The following LMTK2 variants were observed in gnomAD, a reference collection of about 807,000 sequenced individuals.
LMTK2 encodes lemur tail kinase 2.
Under a neutral mutation model 127.5 loss-of-function variants are expected in LMTK2, and 37 were observed. That is an observed-to-expected ratio of 0.29 (90% CI 0.22 to 0.38). LMTK2 has a LOEUF of 0.38. LMTK2 is among the 10% of genes least tolerant of loss of function. LMTK2 has a pLI of 1.00. For synonymous variants in LMTK2, 819 were observed against 810.1 expected (o/e 1.01, Z -0.19); for missense variants, 1,694 against 1,920.3 (o/e 0.88, Z 2.20).
intron 1 of LMTK2, among the ~76,000 whole-genome samples, chr7:98,108,369 A>G (rs541419740): frequency 6.6e-6 from 1 of 152,306 alleles, no homozygotes; most frequent in South Asian, 2.1e-4. Context: ...TGGGTACAGA[A>G]TGTGGATGTA....
At chr7:98,161,681 G>T (rs1171919981) in intron 6 of LMTK2, among the ~76,000 whole-genome samples, 1 of 152,080 alleles carries the variant, frequency 6.6e-6, no homozygotes, top group African/African-American at 2.4e-5. Flanking sequence ...AGGTTATTGT[G>T]ATATAAAAAT....
chr7:98,194,488 C>A lies in LMTK2; in HGVS notation c.4023C>A (p.Ala1341=). Reference sequence around the variant, plus strand: ...TGTTGAAGCCCACAGCGGCCAATGCCCCCGACCCACTGCCCGAGGACTGGA... The same window carrying A: ...TGTTGAAGCCCACAGCGGCCAATGCACCCGACCCACTGCCCGAGGACTGGA... ...RSLLKPTAAN[A]PDPLPEDWKK... Residue 1341 remains alanine (A), a synonymous_variant, in exon 11 of 14, where the codon GCC becomes GCA. Transcript: ENST00000297293. This position sits in a 1 kb window ranked among gnomAD's most constrained non-coding sequence, Gnocchi z 5.4. 6.2e-7 allele frequency: 1 copy of A among 1,613,802 alleles called. No homozygotes were observed. Among genetic ancestry groups the A allele is most frequent in the Non-Finnish European group, 8.5e-7 (1 of 1,180,024 alleles).
In LMTK2 at chr7:98,193,290, A is replaced by G; in HGVS notation, c.2825A>G (p.Lys942Arg). ...EDHHSHRRLE[K>R]NLEAVETLNQ... The stretch of plus-strand genomic sequence containing the variant: ...CATCACAGTCATCGCCGGCTAGAGA[A>G]AAACTTAGAGGCTGTGGAGACTTTA... The change falls in exon 11 of 14, where the codon AAA (lysine) becomes AGA (arginine). Residue 942 changes from lysine to arginine, a missense_variant. Physicochemically the swap from Lys to Arg is conservative, Grantham distance 26. This residue lies in a region of LMTK2 where 527 missense variants were observed against 539.8 expected (regional missense o/e 0.98). Coordinates refer to ENST00000297293, the MANE Select transcript of LMTK2 (RefSeq NM_014916.4). The surrounding 1 kb of genome is among the most constrained non-coding windows in gnomAD (Gnocchi z 4.1). 5 of 1,613,928 alleles carry G rather than the reference A, an allele frequency of 3.1e-6. No individual in the cohort carries two copies. Among genetic ancestry groups the G allele is most frequent in the Non-Finnish European group, 4.2e-6 (5 of 1,180,014 alleles).
intron 7 of LMTK2, among the ~76,000 whole-genome samples, chr7:98,176,736 A>C (rs1358947963): frequency 6.6e-6 from 1 of 152,170 alleles, no homozygotes; most frequent in Non-Finnish European, 1.5e-5. Flanking sequence ...AATCCCAGCT[A>C]CTTGGGAGGC....
At chr7:98,202,450 T>G (rs1368502495) in intron 11 of LMTK2, among the ~76,000 whole-genome samples, 2 of 152,206 alleles carry the variant, frequency 1.3e-5, no homozygotes, top group Non-Finnish European at 2.9e-5. Context: ...CCAGGTAAAT[T>G]GAGGTGTTCC....
intron 1 of LMTK2, among the ~76,000 whole-genome samples, chr7:98,115,787 C>CA (rs969476648): frequency 1.1e-4 from 17 of 151,502 alleles, no homozygotes; most frequent in Non-Finnish European, 2.4e-4. Flanking sequence ...GACTCCATCT[C>CA]AAAAAAAGCA....
intron 7 of LMTK2, among the ~76,000 whole-genome samples, chr7:98,173,217 A>T (rs1480853422): frequency 6.6e-6 from 1 of 152,170 alleles, no homozygotes. Context: ...CATTCCTTCA[A>T]GGGGGGACAG....
At position 98,193,080 on chromosome 7, in the gene LMTK2, C is replaced by A; in HGVS notation, c.2615C>A (p.Thr872Asn). The change falls in exon 11 of 14, where the codon ACT (threonine) becomes AAT (asparagine). Residue 872 changes from threonine (T) to asparagine (N), a missense_variant. Transcript: ENST00000297293. This position sits in a 1 kb window ranked among gnomAD's most constrained non-coding sequence, Gnocchi z 4.1. ...ACTGTCCCGGTTGAAATTCTCTCAA[C>A]TGATGCCAGAACCCACAGCCTGGAT... is the stretch of plus-strand genomic sequence containing the variant. ...AVTVPVEILS[T>N]DARTHSLDNR... 6.2e-7 allele frequency: 1 copy of A among 1,613,852 alleles called. No homozygotes were observed. The highest frequency in any genetic ancestry group is 1.1e-5 in the South Asian group (1 of 91,080).
At chr7:98,119,818 A>G (rs756731567) in intron 1 of LMTK2, among the ~76,000 whole-genome samples, 56 of 152,248 alleles carry the variant, frequency 3.7e-4, no homozygotes, top group Admixed American at 1.1e-3. Context: ...TTCGTAATCT[A>G]TACGGTAACT....
chr7:98,115,189 T>C (rs1046778403), intron 1 of LMTK2, among the ~76,000 whole-genome samples: 1 of 150,938 alleles, frequency 6.6e-6, no homozygotes, highest in Admixed American at 6.6e-5. Context: ...TCGAGGTGGG[T>C]GGATCACGTG....
chr7:98,119,489 A>G (rs180924268), intron 1 of LMTK2, among the ~76,000 whole-genome samples: 56 of 152,344 alleles, frequency 3.7e-4, no homozygotes, highest in African/African-American at 1.3e-3. Flanking sequence ...GAACACAGCT[A>G]AAGCTTGAAA....
intron 7 of LMTK2, among the ~76,000 whole-genome samples, chr7:98,182,169 A>C (rs995154355): frequency 6.6e-6 from 1 of 152,208 alleles, no homozygotes. Flanking sequence ...TAAGGAAAAA[A>C]CTTTATGACA....
At chr7:98,170,429 T>C (rs1037169888) in intron 6 of LMTK2, among the ~76,000 whole-genome samples, 12 of 152,352 alleles carry the variant, frequency 7.9e-5, no homozygotes, top group Admixed American at 7.8e-4. Flanking sequence ...TACTGTGTTT[T>C]AAGGTTTTAT....
At chr7:98,122,684 G>A (rs926592686) in intron 1 of LMTK2, among the ~76,000 whole-genome samples, 2 of 2,740 alleles carry the variant, frequency 7.3e-4, no homozygotes, top group Admixed American at 0.011. Flanking sequence ...CATGGTGTGT[G>A]TGTGTGTGTG....
At chr7:98,109,402 C>T (rs976417972) in intron 1 of LMTK2, among the ~76,000 whole-genome samples, 1 of 151,794 alleles carries the variant, frequency 6.6e-6, no homozygotes, top group African/African-American at 2.4e-5. Context: ...TATGTTTTGA[C>T]GTGTTGCATA....
intron 3 of LMTK2, among the ~76,000 whole-genome samples, chr7:98,147,609 A>G (rs1796793326): frequency 1.3e-5 from 2 of 152,098 alleles, no homozygotes; most frequent in South Asian, 2.1e-4. Context: ...TGGGACTCCA[A>G]TTGATAATAT....
Position 98,171,218 on chromosome 7 carries a change from C to T in LMTK2, c.658-323C>T, listed in dbSNP as rs543978717. Among the ~76,000 whole-genome samples the T allele has an allele frequency of 1.3e-4, 20 of 152,102 alleles. No individual in the cohort carries two copies. The highest frequency in any genetic ancestry group is 2.5e-4 in the Non-Finnish European group (17 of 68,022). ...GAGTGGCACCATTTCTTACACTCTC[C>T]GTGTCATCTCCTAGGTAACCTGGGA... On this transcript the variant is annotated intron_variant, in intron 6 of 13. Coordinates refer to ENST00000297293, the MANE Select transcript of LMTK2 (RefSeq NM_014916.4). The surrounding 1 kb of genome is among the most constrained non-coding windows in gnomAD (Gnocchi z 5.1).
rs183086397 is a variant in LMTK2, at chr7:98,152,154, C to T, written c.450+699C>T. On this transcript the variant is annotated intron_variant, in intron 4 of 13. Transcript: ENST00000297293. ...CTTTAGAACTGTAAATACAGTCTTA[C>T]AATGAAGACCACCATGAACAACTAG... Among the ~76,000 whole-genome samples, 19 of 152,294 alleles carry T rather than the reference C, an allele frequency of 1.2e-4. No individual in the cohort carries two copies. In the East Asian group the frequency reaches 3.7e-3, roughly 29 times the overall value.
chr7:98,191,285 G>T (rs1487190847), intron 10 of LMTK2, among the ~76,000 whole-genome samples: 1 of 152,122 alleles, frequency 6.6e-6, no homozygotes, highest in Non-Finnish European at 1.5e-5. Context: ...CAGGCACAAT[G>T]GCTCATCCCT....
Sources: gnomAD v4.1 joint callset for allele counts (sites outside exome capture counted in the v4.1 genomes callset) on GRCh38, gnomAD v4.1.1 for gene constraint, gnomAD v4.1.1 regional missense constraint, Gnocchi (gnomAD v3.1) non-coding constraint, MANE v1.5 for transcripts, NCBI Gene and HGNC (gene_info 2026-07-23, HGNC 2026-07-21) for gene names.